Variants in EYS observed in about 807,000 individuals in gnomAD.
EYS encodes the protein protein eyes shut homolog.
EYS carries 250 observed loss-of-function variants against 282.1 expected under a neutral mutation model. The observed-to-expected ratio is 0.89, with a 90% confidence interval of 0.80 to 0.98. The LOEUF is 0.98. Ranked by LOEUF, EYS falls within the 50% of genes least tolerant of loss-of-function variation. The probability of loss-of-function intolerance (pLI) is 0.00; values close to 1 mark genes in which losing one functional copy is unlikely to be tolerated. For missense variants in EYS, 4,016 were observed against 3,709.0 expected (o/e 1.08, Z -2.15); for synonymous variants, 1,355 against 1,282.9 (o/e 1.06, Z -1.20).
At chr6:65,339,121 G>A (rs903983318) in intron 10 of EYS, among the ~76,000 whole-genome samples, 2 of 151,290 alleles carry the variant, frequency 1.3e-5, no homozygotes, top group Middle Eastern at 3.4e-3. Flanking sequence ...AGTGACTTCA[G>A]AGGTGAAAGT....
intron 8 of EYS, among the ~76,000 whole-genome samples, chr6:65,377,382 C>A (rs553965072): frequency 2.0e-5 from 3 of 152,172 alleles, no homozygotes; most frequent in Admixed American, 1.3e-4. Context: ...GCACTATTTA[C>A]AGGGAAATTT....
chr6:65,009,585 G>A (rs944613726), intron 13 of EYS, among the ~76,000 whole-genome samples: 2 of 152,076 alleles, frequency 1.3e-5, no homozygotes, highest in African/African-American at 2.4e-5. Flanking sequence ...TTACCCCAAG[G>A]GTTCAGAGAT....
chr6:65,441,880 T>C (rs931416076), intron 5 of EYS, among the ~76,000 whole-genome samples: 3 of 152,066 alleles, frequency 2.0e-5, no homozygotes, highest in Non-Finnish European at 4.4e-5. Context: ...TATCAAGGAA[T>C]GACACAGGAA....
intron 22 of EYS, among the ~76,000 whole-genome samples, chr6:64,667,287 C>G (rs1475543534): frequency 6.6e-6 from 1 of 151,194 alleles, no homozygotes; most frequent in Non-Finnish European, 1.5e-5. Context: ...ATTTGATCTC[C>G]TAATTTCTTA....
chr6:65,317,825 C>CCTTCCTTTCTTTCTTTCTTTCTTTCTTT (rs1562092985), intron 11 of EYS, among the ~76,000 whole-genome samples: 3 of 81,278 alleles, frequency 3.7e-5, no homozygotes, highest in African/African-American at 5.2e-5. Context: ...TTCCTTCCTT[C>CCTTCCTTTCTTTCTTTCTTTCTTTCTTT]CTTTCTTTCT....
At chr6:64,730,006 A>T (rs1214355285) in intron 22 of EYS, among the ~76,000 whole-genome samples, 1 of 152,204 alleles carries the variant, frequency 6.6e-6, no homozygotes, top group Non-Finnish European at 1.5e-5. Flanking sequence ...ATATAGAAAA[A>T]TCTTAGGAAT....
At chr6:64,978,305 G>A (rs1050712650) in intron 14 of EYS, among the ~76,000 whole-genome samples, 1 of 151,852 alleles carries the variant, frequency 6.6e-6, no homozygotes, top group African/African-American at 2.4e-5. Context: ...GTCTTCCTAT[G>A]CTCTATAAAT....
At chr6:64,948,002 C>T (rs1769349206) in intron 14 of EYS, among the ~76,000 whole-genome samples, 1 of 151,594 alleles carries the variant, frequency 6.6e-6, no homozygotes, top group African/African-American at 2.4e-5. Context: ...CAAATTTTTC[C>T]TATTAAATTC....
chr6:64,852,482 T>C (rs1431082191), intron 19 of EYS, among the ~76,000 whole-genome samples: 1 of 152,148 alleles, frequency 6.6e-6, no homozygotes, highest in East Asian at 1.9e-4. Flanking sequence ...GCAGACAGCC[T>C]ATTGTGGGAC....
At chr6:64,929,195 C>A (rs1359557748) in intron 15 of EYS, among the ~76,000 whole-genome samples, 2 of 152,044 alleles carry the variant, frequency 1.3e-5, no homozygotes, top group African/African-American at 2.4e-5. Context: ...GGCCCTCACA[C>A]AGGAAGAAAA....
Position 64,605,707 on chromosome 6 carries a change from C to T in EYS, c.3684+11711G>A, listed in dbSNP as rs151286836. On this transcript the variant is annotated intron_variant, in intron 24 of 42. Transcript: ENST00000503581. ...CCCTGAGTATGTACAAGTAAAAGAG[C>T]CATGAAACATTTCAGAAGTCAAATT... Among the ~76,000 whole-genome samples the T allele has an allele frequency of 5.3e-5, 8 of 151,852 alleles. No homozygotes were observed. The East Asian group carries it at 1.4e-3, about 26-fold the overall frequency.
intron 36 of EYS, among the ~76,000 whole-genome samples, chr6:63,851,987 C>A (rs1330979069): frequency 7.2e-5 from 11 of 151,866 alleles, no homozygotes; most frequent in African/African-American, 2.7e-4. Flanking sequence ...GAAACCCCGT[C>A]TCTACTAAAA....
At chr6:65,411,723 A>T (rs906203976) in intron 5 of EYS, among the ~76,000 whole-genome samples, 2 of 151,968 alleles carry the variant, frequency 1.3e-5, no homozygotes, top group Non-Finnish European at 2.9e-5. Context: ...AAATGAAACC[A>T]TACAATATGT....
chr6:65,346,443 A>T (rs1483805695), intron 9 of EYS, among the ~76,000 whole-genome samples: 2 of 151,460 alleles, frequency 1.3e-5, no homozygotes, highest in Admixed American at 1.3e-4. Flanking sequence ...AAGTGTGTAT[A>T]ATTTAAAGGA....
At chr6:65,284,038 AG>A (rs563238969) in intron 12 of EYS, among the ~76,000 whole-genome samples, 82 of 152,264 alleles carry the variant, frequency 5.4e-4, no homozygotes, top group African/African-American at 1.9e-3. Context: ...GCGATGCACC[AG>A]TACTCCTGGA....
intron 19 of EYS, among the ~76,000 whole-genome samples, chr6:64,841,637 A>G (rs1161495052): frequency 6.6e-6 from 1 of 152,200 alleles, no homozygotes; most frequent in Non-Finnish European, 1.5e-5. Flanking sequence ...ATACATCAAC[A>G]GGAAGTGATA....
intron 36 of EYS, among the ~76,000 whole-genome samples, chr6:63,826,628 G>A (rs1254145898): frequency 6.6e-6 from 1 of 152,130 alleles, no homozygotes; most frequent in East Asian, 1.9e-4. Context: ...GAAGAATTTT[G>A]TATCCAGTGA....
chr6:64,947,466 T>C (rs1340423386), intron 14 of EYS, among the ~76,000 whole-genome samples: 1 of 151,780 alleles, frequency 6.6e-6, no homozygotes, highest in Non-Finnish European at 1.5e-5. Flanking sequence ...AGAGCCACCT[T>C]TTCAACATTG....
At chr6:64,835,828 G>C (rs1053846471) in intron 19 of EYS, among the ~76,000 whole-genome samples, 1 of 151,492 alleles carries the variant, frequency 6.6e-6, no homozygotes, top group African/African-American at 2.4e-5. Context: ...AAAACTATGT[G>C]CCAAGGCTCG....
Sources: allele counts gnomAD v4.1 joint callset (sites outside exome capture counted in the v4.1 genomes callset), GRCh38; gene constraint gnomAD v4.1.1; transcripts MANE v1.5; gene names NCBI Gene and HGNC (gene_info 2026-07-23, HGNC 2026-07-21).